PHIP: variants seen among roughly 807,000 people sequenced by gnomAD.
PHIP encodes the protein PH-interacting protein.
Under a neutral mutation model 236.8 loss-of-function variants are expected in PHIP, and 54 were observed. The observed-to-expected ratio is 0.23, with a 90% CI of 0.18 to 0.29. The LOEUF is 0.29. Ranked by LOEUF, PHIP falls within the 10% of genes least tolerant of loss-of-function variation. PHIP has a pLI of 1.00. For synonymous variants in PHIP, 756 were observed against 718.9 expected (o/e 1.05, Z -0.83); for missense variants, 1,370 against 2,190.8 (o/e 0.63, Z 7.48).
rs941424660 is a variant in PHIP at position 78,936,894 on chromosome 6, T to C, written c.*3799A>G. On this transcript the variant is annotated 3_prime_UTR_variant, in exon 40 of 40. Coordinates refer to ENST00000275034, the MANE Select transcript of PHIP (RefSeq NM_017934.7). ...ATTTTAGTTCAGATCACTTGGAAAT[T>C]AGGGGAACTAAGGGAAACTGCAAGG... 6.6e-6 allele frequency: 1 copy of C among 151,950 alleles called. No homozygotes were observed. The highest frequency in any genetic ancestry group is 1.9e-4 in the East Asian group (1 of 5,178). 9.4% of individuals were successfully genotyped at this position (151,950 alleles called of 1,614,324 possible).
intron 24 of PHIP, among the ~76,000 whole-genome samples, chr6:78,977,023 T>TG (rs901442532): frequency 1.0e-4 from 11 of 108,176 alleles, no homozygotes; most frequent in Non-Finnish European, 1.9e-4. Context: ...ATCCCATTAC[T>TG]GGGTATATAC....
intron 27 of PHIP, among the ~76,000 whole-genome samples, chr6:78,966,311 A>T (rs1215384094): frequency 6.6e-6 from 1 of 152,228 alleles, no homozygotes; most frequent in Non-Finnish European, 1.5e-5. Flanking sequence ...ACAGAAATTC[A>T]CTTGTTTTAG....
intron 35 of PHIP, 133 bp downstream of exon 35, chr6:78,954,681 T>C (rs1302032876): frequency 3.4e-6 from 2 of 592,612 alleles, no homozygotes; most frequent in African/African-American, 2.0e-5. Context: ...TGTAGCCAAA[T>C]GGATAATGAG....
Position 78,971,093 on chromosome 6 carries a change from C to T in PHIP, c.2890-205G>A, listed in dbSNP as rs536683812. On this transcript the variant is annotated intron_variant, in intron 24 of 39. Transcript: ENST00000275034. Reference sequence around the variant, plus strand: ...GTTCTAAATAACATTACTTTGAATACACACTTATAAGTTAAGATGAAAAGT... The same window carrying T: ...GTTCTAAATAACATTACTTTGAATATACACTTATAAGTTAAGATGAAAAGT... 9.9e-5 allele frequency among the ~76,000 whole-genome samples: 15 copies of T among 152,258 alleles called. No homozygotes were observed. The South Asian group carries it at 2.5e-3, about 25-fold the overall frequency.
chr6:79,027,267 A>T (rs1220318106), intron 7 of PHIP, among the ~76,000 whole-genome samples: 1 of 152,162 alleles, frequency 6.6e-6, no homozygotes, highest in Non-Finnish European at 1.5e-5. Flanking sequence ...TCTGCCAATG[A>T]TACCTAAAAC....
At chr6:78,955,385 T>G (rs1172013116) in intron 33 of PHIP, 103 bp from the exon 34 acceptor site, 1 of 840,926 alleles carries the variant, frequency 1.2e-6, no homozygotes. Flanking sequence ...GGAACACCTG[T>G]AATGTATATG....
intron 24 of PHIP, among the ~76,000 whole-genome samples, chr6:78,973,397 A>C (rs1197772060): frequency 2.0e-5 from 3 of 150,548 alleles, no homozygotes; most frequent in Admixed American, 6.7e-5. Context: ...TGGAAAGGAA[A>C]AACCGGTACC....
intron 24 of PHIP, among the ~76,000 whole-genome samples, chr6:78,973,309 T>C (rs1400643621): frequency 1.3e-5 from 2 of 150,340 alleles, no homozygotes; most frequent in Non-Finnish European, 3.0e-5. Flanking sequence ...ATAAAATACT[T>C]TACAGACAAG....
At chr6:79,049,433 T>C (rs1772677558) in intron 6 of PHIP, among the ~76,000 whole-genome samples, 1 of 152,142 alleles carries the variant, frequency 6.6e-6, no homozygotes, top group East Asian at 1.9e-4. Flanking sequence ...TTTCTGTAAA[T>C]AAAATGCAAA....
chr6:79,041,239 T>A (rs1489393855), intron 7 of PHIP, among the ~76,000 whole-genome samples: 1 of 152,028 alleles, frequency 6.6e-6, no homozygotes, highest in African/African-American at 2.4e-5. Flanking sequence ...ACAAACTGGG[T>A]TTGAGACGCA....
chr6:78,961,680 T>C lies in PHIP; in HGVS notation c.3656+10A>G. On this transcript the variant is annotated intron_variant, in intron 31 of 39. Transcript: ENST00000275034. Reference sequence around the variant, plus strand: ...TTCCTTTGATAGTAGCTACATCAAATGGTTCTAACCTGTAAAACCTGTTTT... The same window carrying C: ...TTCCTTTGATAGTAGCTACATCAAACGGTTCTAACCTGTAAAACCTGTTTT... 1 of 1,609,728 alleles carries C rather than the reference T, an allele frequency of 6.2e-7. No individual in the cohort carries two copies. Among genetic ancestry groups the C allele is most frequent in the African/African-American group, 1.3e-5 (1 of 74,890 alleles).
intron 24 of PHIP, among the ~76,000 whole-genome samples, chr6:78,971,157 T>C (rs978411711): frequency 6.6e-6 from 1 of 152,262 alleles, no homozygotes; most frequent in Non-Finnish European, 1.5e-5. Flanking sequence ...AAAATCAAAA[T>C]AAGTTAATCT....
At chr6:78,984,078 A>C (rs550025792) in intron 22 of PHIP, among the ~76,000 whole-genome samples, 1 of 152,294 alleles carries the variant, frequency 6.6e-6, no homozygotes, top group Non-Finnish European at 1.5e-5. Context: ...ACTGCTGTTA[A>C]CATTAACACT....
chr6:79,000,838 T>C (rs938599914), intron 17 of PHIP, among the ~76,000 whole-genome samples: 1 of 152,126 alleles, frequency 6.6e-6, no homozygotes, highest in Admixed American at 6.6e-5. Context: ...TCCACTGGAC[T>C]GCACTACTCT....
At chr6:78,976,636 G>A (rs1768093037) in intron 24 of PHIP, among the ~76,000 whole-genome samples, 1 of 145,752 alleles carries the variant, frequency 6.9e-6, no homozygotes, top group African/African-American at 2.5e-5. Context: ...TCTGACAAAG[G>A]GCTAATATCC....
Position 79,017,593 on chromosome 6 carries a change from ATAACAG to A in PHIP, c.995-16_995-11del. On this transcript the variant is annotated splice_polypyrimidine_tract_variant and intron_variant, in intron 10 of 39. Transcript: ENST00000275034. ...GCCAGAAACATTCCACCTATGAAGA[ATAACAG>A]CAATTGTTAAGAAGTAAAACATAAC... The A allele has an allele frequency of 6.4e-7, 1 of 1,569,150 alleles. No individual in the cohort carries two copies. Among genetic ancestry groups the A allele is most frequent in the Non-Finnish European group, 8.8e-7 (1 of 1,141,086 alleles).
intron 35 of PHIP, among the ~76,000 whole-genome samples, chr6:78,953,167 C>A (rs1766165970): frequency 6.6e-6 from 1 of 151,886 alleles, no homozygotes; most frequent in African/African-American, 2.4e-5. Flanking sequence ...AGGAAAATTT[C>A]TCCTCTCTGA....
At chr6:79,070,265 C>G (rs1773816711) in intron 4 of PHIP, among the ~76,000 whole-genome samples, 1 of 152,146 alleles carries the variant, frequency 6.6e-6, no homozygotes, top group Non-Finnish European at 1.5e-5. Flanking sequence ...AAACTCAAAT[C>G]TAGGAATCTG....
intron 31 of PHIP, 22 bp from the exon 32 acceptor site, chr6:78,958,622 A>G (rs1766577310): frequency 1.4e-6 from 2 of 1,432,852 alleles, no homozygotes; most frequent in South Asian, 1.2e-5. Flanking sequence ...AAAATATAGA[A>G]GTTTTAACTT....
Sources: gnomAD v4.1 joint callset for allele counts (sites outside exome capture counted in the v4.1 genomes callset) on GRCh38, gnomAD v4.1.1 for gene constraint, MANE v1.5 for transcripts, NCBI Gene and HGNC (gene_info 2026-07-23, HGNC 2026-07-21) for gene names.